Variants in ZNF746 observed in about 807,000 individuals in gnomAD.
The protein encoded by ZNF746 is parkin-interacting substrate.
ZNF746 carries 13 observed loss-of-function variants against 41.0 expected under a neutral mutation model. That is an observed-to-expected ratio of 0.32 (90% CI 0.21 to 0.50). The LOEUF is 0.50. Among genes scored for constraint, ZNF746 ranks in the 20% least tolerant of loss-of-function variants. ZNF746 has a pLI of 0.98. For missense variants in ZNF746, 811 were observed against 922.9 expected (o/e 0.88, Z 1.57); for synonymous variants, 424 against 396.2 (o/e 1.07, Z -0.83).
At chr7:149,475,600 G>A (rs1268946866) in intron 6 of ZNF746, 117 bp from the exon 7 acceptor site, 6 of 1,489,490 alleles carry the variant, frequency 4.0e-6, no homozygotes, top group Middle Eastern at 2.3e-4. Context: ...CCAGGCCCTC[G>A]TGGCTGAGCC....
Position 149,474,852 on chromosome 7 carries a change from G to GCCGCCA in ZNF746, c.1509_1514dup (p.Gly504_Gly505dup), listed in dbSNP as rs757852771. 147 of 1,427,718 alleles carry GCCGCCA rather than the reference G, an allele frequency of 1.0e-4. 1 individual carries two copies. The East Asian group carries it at 4.0e-3, about 39-fold the overall frequency. The allele number at this position is 1,427,718 out of a possible 1,614,324, so 88.4% of individuals were successfully genotyped here. On this transcript the variant is annotated inframe_insertion, in exon 7 of 7. Transcript: ENST00000458143. This position sits in a 1 kb window ranked among gnomAD's most constrained non-coding sequence, Gnocchi z 6.3. ...CGCCACCGCCGCCGCCACTGCCGCT[G>GCCGCCA]CCGCCACCGCCTGTGCCCGGGCCCG...
intron 4 of ZNF746, chr7:149,489,684 T>G (rs1562991552): frequency 6.5e-6 from 1 of 153,024 alleles, no homozygotes; most frequent in Non-Finnish European, 1.5e-5. Flanking sequence ...GGTGGTGAGC[T>G]GACGGTGCGG....
At chr7:149,491,113 A>C (rs1248985162) in intron 4 of ZNF746, 1 of 153,032 alleles carries the variant, frequency 6.5e-6, no homozygotes, top group Non-Finnish European at 1.5e-5. Context: ...GGGTCAGGCC[A>C]AATGTGGCAA....
rs1800143203 is a variant in ZNF746, at chr7:149,472,795, T to G, written c.*1589A>C. 1 of 152,672 alleles carries G rather than the reference T, an allele frequency of 6.5e-6. No homozygotes were observed. The highest frequency in any genetic ancestry group is 1.5e-5 in the Non-Finnish European group (1 of 68,050). 9.5% of individuals were successfully genotyped at this position (152,672 alleles called of 1,614,324 possible). ...AGGAATGGAACCCAACAAACTGCCT[T>G]GGTGCTGGTTAGGTTTTATTTTAAC... is the stretch of plus-strand genomic sequence containing the variant. On this transcript the variant is annotated 3_prime_UTR_variant, in exon 7 of 7. Coordinates refer to ENST00000458143, the MANE Select transcript of ZNF746 (RefSeq NM_001394198.1).
rs2116634456 is a variant in ZNF746, at chr7:149,474,936, G to A, written c.1431C>T (p.Ser477=). Residue 477 remains serine, a synonymous_variant, in exon 7 of 7, where the codon AGC becomes AGT. Transcript: ENST00000458143. This position sits in a 1 kb window ranked among gnomAD's most constrained non-coding sequence, Gnocchi z 6.3. ...CGCTCAGGCTGACTTGCAGCTGGAA[G>A]CTCTTCCCACACGTGGCGCAGGTGA... The part of the protein sequence containing the change: ...RPFTCATCGK[S]FQLQVSLSAH... 1.3e-6 allele frequency: 2 copies of A among 1,544,256 alleles called. No homozygotes were observed. The highest frequency in any genetic ancestry group is 1.7e-6 in the Non-Finnish European group (2 of 1,146,638).
intron 4 of ZNF746, among the ~76,000 whole-genome samples, chr7:149,484,218 G>C (rs10231827): frequency 6.6e-6 from 1 of 151,914 alleles, no homozygotes; most frequent in Non-Finnish European, 1.5e-5. Flanking sequence ...TTTTAATACC[G>C]AAACCAGACA....
rs1800923707 is a variant in ZNF746 at position 149,494,481 on chromosome 7, G to C, written c.47C>G (p.Ala16Gly). The part of the protein sequence containing the change: ...AAPISPWTMA[A>G]TIQAMERKIE... ...CTTCCTCTCCATGGCCTGAATCGTG[G>C]CTGCCATCGTCCACGGAGAAATCTT... The change falls in exon 2 of 7, where the codon GCC becomes GGC. Residue 16 changes from alanine (A) to glycine (G), a missense_variant. By Grantham distance (60) the Ala-to-Gly change is moderately conservative (BLOSUM62 0). Around this residue, in one of 4 missense-constraint regions of ZNF746, gnomAD observed 147 missense variants for 233.4 expected, o/e 0.63. Coordinates refer to ENST00000458143, the MANE Select transcript of ZNF746 (RefSeq NM_001394198.1). This position sits in a 1 kb window ranked among gnomAD's most constrained non-coding sequence, Gnocchi z 5.6. The C allele has an allele frequency of 6.2e-7, 1 of 1,613,688 alleles. No individual in the cohort carries two copies. The highest frequency in any genetic ancestry group is 1.3e-5 in the African/African-American group (1 of 74,924).
chr7:149,494,007 C>T lies in ZNF746; in HGVS notation c.433G>A (p.Glu145Lys), dbSNP rs1227482488. 2.5e-6 allele frequency: 4 copies of T among 1,614,196 alleles called. No individual in the cohort carries two copies. Among genetic ancestry groups the T allele is most frequent in the East Asian group, 2.2e-5 (1 of 44,878 alleles). Residue 145 changes from glutamate (E) to lysine (K), a missense_variant, in exon 3 of 7, where the codon GAG becomes AAG. By Grantham distance (56) the Glu-to-Lys change is moderately conservative. Around this residue, in one of 4 missense-constraint regions of ZNF746, gnomAD observed 147 missense variants for 233.4 expected, o/e 0.63. Coordinates refer to ENST00000458143, the MANE Select transcript of ZNF746 (RefSeq NM_001394198.1). This position sits in a 1 kb window ranked among gnomAD's most constrained non-coding sequence, Gnocchi z 5.6. ...LYKHVMRGNY[E>K]TLVSLDYAIS... ...GCCTTACCCAGGGAGACCAGCGTCT[C>T]GTAGTTGCCCCTCATCACGTGCTTG...
chr7:149,476,855 A>T, intron 6 of ZNF746, 67 bp downstream of exon 6: 2 of 1,607,650 alleles, frequency 1.2e-6, no homozygotes, highest in Non-Finnish European at 1.7e-6. Flanking sequence ...TGAAAATGGG[A>T]TGCCTGGACC....
intron 4 of ZNF746, among the ~76,000 whole-genome samples, chr7:149,482,673 C>T (rs1800517223): frequency 6.6e-6 from 1 of 152,146 alleles, no homozygotes; most frequent in Non-Finnish European, 1.5e-5. Context: ...CCATGTTGGC[C>T]AGGCTGGCCT....
At chr7:149,482,021 G>T (rs543371749) in intron 4 of ZNF746, among the ~76,000 whole-genome samples, 1 of 152,250 alleles carries the variant, frequency 6.6e-6, no homozygotes, top group South Asian at 2.1e-4. Flanking sequence ...TTTAGCCCAA[G>T]ATATAAAAAA....
In ZNF746 at chr7:149,474,827, C is replaced by G; in HGVS notation, c.1540G>C (p.Gly514Arg). 7.0e-7 allele frequency: 1 copy of G among 1,419,288 alleles called. No individual in the cohort carries two copies. Among genetic ancestry groups the G allele is most frequent in the Non-Finnish European group, 9.1e-7 (1 of 1,093,066 alleles). The allele number at this position is 1,419,288 out of a possible 1,614,324, so 87.9% of individuals were successfully genotyped here. A position where few individuals can be genotyped will look rare whatever the true frequency, so the allele number is the denominator to read the frequency against. ...TCCCGTGCGCTGCCCCCACCGCTGC[C>G]GCCACCGCCGCCGCCACTGCCGCTG... ...GGSGSGGGGGGSGGGSARDGS... is the reference protein window; with the variant it reads ...GGSGSGGGGGRSGGGSARDGS... Residue 514 changes from glycine to arginine, a missense_variant, in exon 7 of 7, where the codon GGC (glycine) becomes CGC (arginine). Coordinates refer to ENST00000458143, the MANE Select transcript of ZNF746 (RefSeq NM_001394198.1). The surrounding 1 kb of genome is among the most constrained non-coding windows in gnomAD (Gnocchi z 6.3).
chr7:149,475,758 G>T (rs1156943029), intron 6 of ZNF746, among the ~76,000 whole-genome samples: 4 of 152,204 alleles, frequency 2.6e-5, no homozygotes, highest in African/African-American at 9.6e-5. Flanking sequence ...GGCTAAGCAT[G>T]AATTGATCCT....
In ZNF746 at chr7:149,474,358, G is replaced by T; in HGVS notation, c.*26C>A. The T allele has an allele frequency of 6.3e-7, 1 of 1,586,406 alleles. No homozygotes were observed. Among genetic ancestry groups the T allele is most frequent in the South Asian group, 1.1e-5 (1 of 87,032 alleles). On this transcript the variant is annotated 3_prime_UTR_variant, in exon 7 of 7. Coordinates refer to ENST00000458143, the MANE Select transcript of ZNF746 (RefSeq NM_001394198.1). The surrounding 1 kb of genome is among the most constrained non-coding windows in gnomAD (Gnocchi z 6.3). ...CACGGGGCTTTTTACACGTGCGGCCGGCAGGGGCTATGGGGCTGGAGGCGC... is the reference window on the plus strand; with the variant it reads ...CACGGGGCTTTTTACACGTGCGGCCTGCAGGGGCTATGGGGCTGGAGGCGC...
rs1800904541 is a variant in ZNF746 at position 149,494,139 on chromosome 7, G to T, written c.325-24C>A. 6.2e-7 allele frequency: 1 copy of T among 1,613,990 alleles called. No individual in the cohort carries two copies. Among genetic ancestry groups the T allele is most frequent in the South Asian group, 1.1e-5 (1 of 91,088 alleles). ...ACCTGGAACCACAAGTGTCACACTC[G>T]CTCACCCACACGCTCACGGGTTTGG... On this transcript the variant is annotated intron_variant, in intron 2 of 6. Transcript: ENST00000458143. The surrounding 1 kb of genome is among the most constrained non-coding windows in gnomAD (Gnocchi z 5.6).
chr7:149,488,949 G>A (rs1383358561), intron 4 of ZNF746: 2 of 152,182 alleles, frequency 1.3e-5, no homozygotes, highest in African/African-American at 4.8e-5. Flanking sequence ...TGGAAAATAA[G>A]TTACAATATA....
In ZNF746 at chr7:149,492,043, C is replaced by T. The variant is rs1172239399; in HGVS notation, c.565+816G>A. 1.1e-5 allele frequency: 8 copies of T among 699,264 alleles called. No homozygotes were observed. The East Asian group carries it at 1.6e-4, about 14-fold the overall frequency. 43.3% of individuals were successfully genotyped at this position (699,264 alleles called of 1,614,324 possible). On this transcript the variant is annotated intron_variant, in intron 4 of 6. Transcript: ENST00000458143. ...AATGTAGACCAAAGTAGCTCTACAA[C>T]TGCTACTGGTTTAAATTAAGGTTGG... is the stretch of plus-strand genomic sequence containing the variant.
chr7:149,484,257 G>A (rs1800560025), intron 4 of ZNF746, among the ~76,000 whole-genome samples: 1 of 152,048 alleles, frequency 6.6e-6, no homozygotes, highest in African/African-American at 2.4e-5. Context: ...AAAATTACAA[G>A]CCCATCTCAT....
intron 4 of ZNF746, among the ~76,000 whole-genome samples, chr7:149,479,671 T>C (rs1185912982): frequency 1.3e-5 from 2 of 152,238 alleles, no homozygotes; most frequent in Non-Finnish European, 2.9e-5. Context: ...CATTTAGCTC[T>C]TCTATTTCTG....
Sources: allele counts gnomAD v4.1 joint callset (sites outside exome capture counted in the v4.1 genomes callset), GRCh38; gene constraint gnomAD v4.1.1; regional missense constraint gnomAD v4.1.1; non-coding constraint Gnocchi (gnomAD v3.1); transcripts MANE v1.5; gene names NCBI Gene and HGNC (gene_info 2026-07-23, HGNC 2026-07-21).